FGF13: variants seen among roughly 807,000 people sequenced by gnomAD.
FGF13 encodes fibroblast growth factor 13.
A neutral mutation model predicts 19.5 loss-of-function variants in FGF13; 2 were observed. The observed-to-expected ratio is 0.10, with a 90% CI of 0.04 to 0.32. FGF13 has a LOEUF of 0.32. FGF13 is among the 10% of genes least tolerant of loss of function. FGF13 has a pLI of 1.00. For synonymous variants in FGF13, 72 were observed against 76.9 expected, an observed-to-expected ratio of 0.94 and a Z score of 0.33; for missense variants, 113 against 192.7, an observed-to-expected ratio of 0.59 and a Z score of 2.45.
At chrX:138,720,143 T>G (rs993163349) in intron 1 of FGF13, among the ~76,000 whole-genome samples, 1 of 112,679 alleles carries the variant, frequency 8.9e-6, no homozygotes, top group Non-Finnish European at 1.9e-5. Flanking sequence ...ATTACTTATG[T>G]CATTGATATG....
intron 1 of FGF13, among the ~76,000 whole-genome samples, chrX:139,101,718 T>A (rs1282090246): frequency 3.6e-5 from 4 of 112,470 alleles, no homozygotes; most frequent in Non-Finnish European, 7.5e-5. Context: ...CTTCATCGAA[T>A]TGTATAATGT....
At chrX:139,122,852 G>A (rs1209634202) in intron 1 of FGF13, among the ~76,000 whole-genome samples, 1 of 111,214 alleles carries the variant, frequency 9.0e-6, no homozygotes, top group Non-Finnish European at 1.9e-5. Flanking sequence ...CAAAATATGT[G>A]TGTATCTCTA....
chrX:138,997,527 G>A lies in FGF13; in HGVS notation c.-112-132877C>T, dbSNP rs763325198. ...CTGAAAAACGCAGCACGAGAACTTCGAGAACCATACACAAGTTTCAATGGT... is the reference window on the plus strand; with the variant it reads ...CTGAAAAACGCAGCACGAGAACTTCAAGAACCATACACAAGTTTCAATGGT... On this transcript the variant is annotated intron_variant, in intron 1 of 2. Transcript: ENST00000421460. 2.7e-5 allele frequency among the ~76,000 whole-genome samples: 3 copies of A among 111,640 alleles called. No homozygotes were observed. The South Asian group carries it at 1.1e-3, about 42-fold the overall frequency.
At position 139,044,078 on chromosome X, in the gene FGF13, C is replaced by T. The variant is rs111293492; in HGVS notation, c.-113+159338G>A. ...TTGTGGTTATACAATATTGTGAATA[C>T]ACAAAATGCCACTTAATTGTATACT... On this transcript the variant is annotated intron_variant, in intron 1 of 2. Transcript: ENST00000421460. 4.3e-3 allele frequency among the ~76,000 whole-genome samples: 484 copies of T among 112,141 alleles called. 8 individuals carry two copies. Among genetic ancestry groups the T allele is most frequent in the African/African-American group, 0.015 (470 of 30,784 alleles).
chrX:139,190,775 A>G (rs888739380), intron 1 of FGF13, among the ~76,000 whole-genome samples: 5 of 112,187 alleles, frequency 4.5e-5, no homozygotes, highest in Non-Finnish European at 9.4e-5. Flanking sequence ...CATATTTAAA[A>G]TAATTAAAAT....
intron 1 of FGF13, among the ~76,000 whole-genome samples, chrX:138,725,946 G>C (rs956394084): frequency 9.0e-6 from 1 of 110,999 alleles, no homozygotes; most frequent in Admixed American, 9.6e-5. Context: ...CATTGTCATT[G>C]CCATTTTTCA....
At position 138,984,589 on chromosome X, in the gene FGF13, A is replaced by AGAG. The variant is rs1569436186; in HGVS notation, c.-112-119940_-112-119939insCTC. On this transcript the variant is annotated intron_variant, in intron 1 of 2. Transcript: ENST00000421460. ...AAGAAGAAGAAGAAGAAGAAGAAGA[A>AGAG]GGAGGAGGAGGAGGAGGAGGAGGAG... 2.9e-4 allele frequency among the ~76,000 whole-genome samples: 5 copies of AGAG among 17,027 alleles called. 2 individuals are homozygous for AGAG. Among genetic ancestry groups the AGAG allele is most frequent in the African/African-American group, 1.0e-3 (5 of 4,988 alleles). 14.8% of individuals were successfully genotyped at this position (17,027 alleles called of 115,157 possible). A position where few individuals can be genotyped will look rare whatever the true frequency, so the allele number is the denominator to read the frequency against.
At chrX:138,636,672 T>C (rs1051842829) in intron 3 of FGF13, among the ~76,000 whole-genome samples, 2 of 111,929 alleles carry the variant, frequency 1.8e-5, no homozygotes, top group African/African-American at 6.5e-5. Flanking sequence ...GTGAGCTACA[T>C]GTCATAGAGG....
intron 1 of FGF13, among the ~76,000 whole-genome samples, chrX:139,076,485 G>A (rs2083333539): frequency 8.9e-6 from 1 of 111,773 alleles, no homozygotes; most frequent in Non-Finnish European, 1.9e-5. Flanking sequence ...GGGAACCATA[G>A]CACCTTCTGC....
chrX:139,177,999 G>A (rs968419145), intron 1 of FGF13, among the ~76,000 whole-genome samples: 1 of 112,050 alleles, frequency 8.9e-6, no homozygotes, highest in Non-Finnish European at 1.9e-5. Flanking sequence ...CCCAGGTGAG[G>A]TGACGTCCCA....
chrX:138,940,706 G>A (rs924703534), intron 1 of FGF13, among the ~76,000 whole-genome samples: 2 of 111,296 alleles, frequency 1.8e-5, no homozygotes, highest in Non-Finnish European at 3.8e-5. Context: ...CTTATTGCTT[G>A]TTTTTGTTGG....
chrX:138,859,265 AT>A (rs1294147881), intron 2 of FGF13, among the ~76,000 whole-genome samples: 3 of 112,013 alleles, frequency 2.7e-5, no homozygotes, highest in African/African-American at 9.7e-5. Flanking sequence ...CACTCATCAA[AT>A]TCCAGCATCA....
intron 3 of FGF13, among the ~76,000 whole-genome samples, chrX:138,652,440 T>C (rs922914145): frequency 3.6e-5 from 4 of 112,109 alleles, no homozygotes; most frequent in African/African-American, 9.7e-5. Context: ...GTTTTGCTCA[T>C]TGCTGTACTC....
At chrX:138,936,153 C>T (rs1417144675) in intron 1 of FGF13, among the ~76,000 whole-genome samples, 1 of 112,400 alleles carries the variant, frequency 8.9e-6, no homozygotes, top group Non-Finnish European at 1.9e-5. Flanking sequence ...GGCGAAGGCC[C>T]CACAGTCTAC....
intron 1 of FGF13, among the ~76,000 whole-genome samples, chrX:138,977,687 AAGG>A (rs1006200413): frequency 2.4e-4 from 27 of 112,153 alleles, no homozygotes; most frequent in Non-Finnish European, 2.6e-4. Flanking sequence ...TGGAGTAATG[AAGG>A]AGGATACCAC....
At chrX:138,963,697 CCTA>C (rs1396637137) in intron 1 of FGF13, among the ~76,000 whole-genome samples, 1 of 112,289 alleles carries the variant, frequency 8.9e-6, no homozygotes, top group Non-Finnish European at 1.9e-5. Flanking sequence ...TCCGCCTCAG[CCTA>C]CTGAGTAGCA....
At chrX:138,647,539 T>C (rs1282037404) in intron 3 of FGF13, among the ~76,000 whole-genome samples, 4 of 111,739 alleles carry the variant, frequency 3.6e-5, no homozygotes, top group Non-Finnish European at 7.5e-5. Flanking sequence ...ACGGGAGTGT[T>C]TGGCCACGTA....
At chrX:138,899,589 C>T (rs2091521630) in intron 1 of FGF13, among the ~76,000 whole-genome samples, 1 of 110,949 alleles carries the variant, frequency 9.0e-6, no homozygotes, top group Non-Finnish European at 1.9e-5. Flanking sequence ...GATACACATA[C>T]CCAGAAAAGC....
intron 1 of FGF13, among the ~76,000 whole-genome samples, chrX:138,997,305 A>G (rs1333821142): frequency 8.9e-6 from 1 of 111,984 alleles, no homozygotes; most frequent in African/African-American, 3.3e-5. Flanking sequence ...TTCGCCAGCA[A>G]GGGAACAAAA....
Sources: allele counts gnomAD v4.1 joint callset (sites outside exome capture counted in the v4.1 genomes callset), GRCh38; gene constraint gnomAD v4.1.1; transcripts MANE v1.5; gene names NCBI Gene and HGNC (gene_info 2026-07-23, HGNC 2026-07-21).